The following KRT76 variants were observed in gnomAD, a reference collection of about 807,000 sequenced individuals.
KRT76 encodes keratin 76, also known as keratin, type II cytoskeletal 2 oral.
A neutral mutation model predicts 44.9 loss-of-function variants in KRT76; 47 were observed. The ratio of observed to expected loss-of-function variants is 1.05; its 90% CI spans 0.83 to 1.33. The LOEUF (loss-of-function observed/expected upper bound fraction) is 1.33. Among genes scored for constraint, KRT76 ranks in the 40% most tolerant of loss-of-function variants. The pLI is 0.00. For synonymous variants in KRT76, 331 were observed against 294.1 expected (o/e 1.13, Z -1.28); for missense variants, 860 against 775.8 (o/e 1.11, Z -1.29).
intron 3 of KRT76, 121 bp downstream of exon 3, chr12:52,773,461 A>G: frequency 3.2e-6 from 2 of 623,146 alleles, no homozygotes; most frequent in Non-Finnish European, 5.7e-6. Flanking sequence ...AATGTAAGGA[A>G]AAGTGTCAAT....
At position 52,771,761 on chromosome 12, in the gene KRT76, G is replaced by A. The variant is rs563012970; in HGVS notation, c.1263+110C>T. On this transcript the variant is annotated intron_variant, in intron 6 of 8. Transcript: ENST00000332411. ...TCCCAGACACTGCGCTATCCCACAT[G>A]TGACACCATGAAAGGATGGAGAGAG... 5.1e-6 allele frequency: 7 copies of A among 1,360,630 alleles called. No individual in the cohort carries two copies. The Admixed American group carries it at 1.3e-4, about 26-fold the overall frequency. The allele number at this position is 1,360,630 out of a possible 1,614,324, so 84.3% of individuals were successfully genotyped here. A position where few individuals can be genotyped will look rare whatever the true frequency, so the allele number is the denominator to read the frequency against.
rs111275941 is a variant in KRT76 at position 52,768,310 on chromosome 12, G to C, written c.*403C>G. ...AACCAGCAGTCTGGAGATCTTGGCCGTGCACCCTCCAGCACAGAACCCATG... is the reference window on the plus strand; with the variant it reads ...AACCAGCAGTCTGGAGATCTTGGCCCTGCACCCTCCAGCACAGAACCCATG... On this transcript the variant is annotated 3_prime_UTR_variant, in exon 9 of 9. Transcript: ENST00000332411. 2 of 166,188 alleles carry C rather than the reference G, an allele frequency of 1.2e-5. No individual in the cohort carries two copies. The highest frequency in any genetic ancestry group is 1.2e-4 in the Admixed American group (2 of 16,572). 10.3% of individuals were successfully genotyped at this position (166,188 alleles called of 1,614,324 possible).
chr12:52,771,018 G>A lies in KRT76; in HGVS notation c.1465C>T (p.Leu489=). The change falls in exon 7 of 9, where the codon CTG becomes TTG. Residue 489 remains leucine (L), a synonymous_variant. Coordinates refer to ENST00000332411, the MANE Select transcript of KRT76 (RefSeq NM_015848.4). ...CCTCACCTGCACTCCTCTCCCTCCA[G>A]CAGCTTGCGGTAGGTGGCAATCTCC... The part of the protein sequence containing the change: ...DVEIATYRKL[L]EGEECRMSGE... 1 of 1,614,070 alleles carries A rather than the reference G, an allele frequency of 6.2e-7. No homozygotes were observed. Among genetic ancestry groups the A allele is most frequent in the Non-Finnish European group, 8.5e-7 (1 of 1,180,014 alleles).
rs1454265642 is a variant in KRT76, at chr12:52,772,108, G to T, written c.1123C>A (p.Leu375Met). The T allele has an allele frequency of 2.5e-6, 4 of 1,611,140 alleles. No homozygotes were observed. Among genetic ancestry groups the T allele is most frequent in the Non-Finnish European group, 3.4e-6 (4 of 1,178,306 alleles). Residue 375 changes from leucine (L) to methionine (M), a missense_variant, in exon 5 of 9, where the codon CTG becomes ATG. By Grantham distance (15) the Leu-to-Met change is conservative. Transcript: ENST00000332411. ...AQRSKSEAEA[L>M]YQTKLGELQT... is the part of the protein sequence containing the mutation. ...AGGGTTCCCACCTTGGTCTGGTACAGGGCCTCAGCTTCAGACTTGCTCCTC... is the reference window on the plus strand; with the variant it reads ...AGGGTTCCCACCTTGGTCTGGTACATGGCCTCAGCTTCAGACTTGCTCCTC...
chr12:52,771,269 C>T, intron 6 of KRT76, 50 bp from the exon 7 acceptor site: 1 of 1,551,726 alleles, frequency 6.4e-7, no homozygotes, highest in Non-Finnish European at 8.9e-7. Context: ...AACACTTGAT[C>T]CTTACTAGGA....
chr12:52,768,552 G>T lies in KRT76; in HGVS notation c.*161C>A, dbSNP rs1939125698. On this transcript the variant is annotated 3_prime_UTR_variant, in exon 9 of 9. Transcript: ENST00000332411. ...AGCAGGACCTCCATGGCCCTGGGAA[G>T]GTCATGGGGATGGAGAAACCAGGAG... 2.5e-6 allele frequency: 2 copies of T among 792,544 alleles called. No homozygotes were observed. Among genetic ancestry groups the T allele is most frequent in the South Asian group, 1.8e-5 (1 of 54,450 alleles). The allele number at this position is 792,544 out of a possible 1,614,324, so 49.1% of individuals were successfully genotyped here.
chr12:52,770,857 C>T (rs1939168102), intron 7 of KRT76, 142 bp downstream of exon 7: 5 of 1,051,986 alleles, frequency 4.8e-6, no homozygotes, highest in South Asian at 1.5e-5. Context: ...AATAGTGGGG[C>T]TTGAACCCTT....
In KRT76 at chr12:52,777,201, T is replaced by A; in HGVS notation, c.91A>T (p.Ser31Cys). The A allele has an allele frequency of 6.2e-7, 1 of 1,614,164 alleles. No homozygotes were observed. The highest frequency in any genetic ancestry group is 8.5e-7 in the Non-Finnish European group (1 of 1,180,034). ...GCTCCCCCAGAGCGGGCCACACAGC[T>A]CATCCTGCTGCTGCCGGAGACCACA... ...SAVVSGSSRM[S>C]CVARSGGAGG... The change falls in exon 1 of 9, where the codon AGC becomes TGC. Residue 31 changes from serine to cysteine, a missense_variant. Transcript: ENST00000332411.
rs777946690 is a variant in KRT76, at chr12:52,777,156, A to G, written c.136T>C (p.Phe46Leu). The change falls in exon 1 of 9, where the codon TTC becomes CTC. Residue 46 changes from phenylalanine (F) to leucine (L), a missense_variant. By Grantham distance (22) the Phe-to-Leu change is conservative. Transcript: ENST00000332411. ...SGGAGGGACG[F>L]RSGAGSFGSR... ...CCAAAGCTGCCTGCTCCGCTCCTGA[A>G]GCCACAGGCCCCTCCACCAGCTCCC... 5 of 1,614,168 alleles carry G rather than the reference A, an allele frequency of 3.1e-6. No individual in the cohort carries two copies. The highest frequency in any genetic ancestry group is 4.2e-6 in the Non-Finnish European group (5 of 1,180,020).
At chr12:52,769,608 T>A in intron 7 of KRT76, 25 bp from the exon 8 acceptor site, 1 of 1,598,504 alleles carries the variant, frequency 6.3e-7, no homozygotes, top group Non-Finnish European at 8.6e-7. Flanking sequence ...GAGAGGTGAA[T>A]TCTTTCTGTT....
chr12:52,771,268 T>A (rs771384319), intron 6 of KRT76, 49 bp from the exon 7 acceptor site: 2 of 1,559,068 alleles, frequency 1.3e-6, no homozygotes, highest in Middle Eastern at 1.9e-4. Flanking sequence ...AAACACTTGA[T>A]CCTTACTAGG....
intron 3 of KRT76, 57 bp from the exon 4 acceptor site, chr12:52,772,935 G>A: frequency 7.9e-7 from 1 of 1,260,296 alleles, no homozygotes; most frequent in Non-Finnish European, 1.2e-6. Context: ...CCACCCAGTG[G>A]CTCTTTCCTA....
chr12:52,775,299 C>T (rs1939243224), intron 2 of KRT76, 89 bp downstream of exon 2: 2 of 1,137,906 alleles, frequency 1.8e-6, no homozygotes, highest in Non-Finnish European at 2.6e-6. Context: ...TGACTGAAGG[C>T]ACAGTTGGGA....
intron 7 of KRT76, 129 bp downstream of exon 7, chr12:52,770,870 C>A: frequency 8.3e-7 from 1 of 1,210,070 alleles, no homozygotes; most frequent in Non-Finnish European, 1.2e-6. Context: ...GAACCCTTGA[C>A]TCTGTCATTC....
At position 52,775,421 on chromosome 12, in the gene KRT76, C is replaced by A; in HGVS notation, c.782G>T (p.Ser261Ile). 1 of 1,614,228 alleles carries A rather than the reference C, an allele frequency of 6.2e-7. No homozygotes were observed. The highest frequency in any genetic ancestry group is 8.5e-7 in the Non-Finnish European group (1 of 1,180,038). The change falls in exon 2 of 9, where the codon AGC becomes ATC. Residue 261 changes from serine to isoleucine, a missense_variant. Ser to Ile is a moderately radical substitution (Grantham distance 142, BLOSUM62 -2). Coordinates refer to ENST00000332411, the MANE Select transcript of KRT76 (RefSeq NM_015848.4). ...GAAGTCTTCCACCAGGTCCTGCATG[C>A]TTTTCAGCTCTCCCTCCAGGTTCCC... ...ERGNLEGELK[S>I]MQDLVEDFKK...
At chr12:52,770,471 C>T (rs920693187) in intron 7 of KRT76, among the ~76,000 whole-genome samples, 1 of 152,198 alleles carries the variant, frequency 6.6e-6, no homozygotes, top group Non-Finnish European at 1.5e-5. Context: ...ATGTATCAAC[C>T]GTCTCCCCAT....
intron 6 of KRT76, 151 bp downstream of exon 6, chr12:52,771,720 C>T (rs907349178): frequency 3.4e-5 from 33 of 962,940 alleles, no homozygotes; most frequent in Non-Finnish European, 4.4e-5. Context: ...ACAAAAACAT[C>T]TGGGAGAACA....
rs764918336 is a variant in KRT76, at chr12:52,772,110, G to C, written c.1121C>G (p.Ala374Gly). Residue 374 changes from alanine (A) to glycine (G), a missense_variant, in exon 5 of 9, where the codon GCC becomes GGC. By Grantham distance (60) the Ala-to-Gly change is moderately conservative (BLOSUM62 0). Transcript: ENST00000332411. ...IAQRSKSEAE[A>G]LYQTKLGELQ... ...GGTTCCCACCTTGGTCTGGTACAGGGCCTCAGCTTCAGACTTGCTCCTCTG... is the reference window on the plus strand; with the variant it reads ...GGTTCCCACCTTGGTCTGGTACAGGCCCTCAGCTTCAGACTTGCTCCTCTG... 3.1e-6 allele frequency: 5 copies of C among 1,611,152 alleles called. No individual in the cohort carries two copies. The Admixed American group carries it at 8.3e-5, about 27-fold the overall frequency.
In KRT76 at chr12:52,777,155, A is replaced by G; in HGVS notation, c.137T>C (p.Phe46Ser). Residue 46 changes from phenylalanine (F) to serine (S), a missense_variant, in exon 1 of 9, where the codon TTC becomes TCC. By Grantham distance (155) the Phe-to-Ser change is radical. Transcript: ENST00000332411. ...SGGAGGGACG[F>S]RSGAGSFGSR... Reference sequence around the variant, plus strand: ...GCCAAAGCTGCCTGCTCCGCTCCTGAAGCCACAGGCCCCTCCACCAGCTCC... The same window carrying G: ...GCCAAAGCTGCCTGCTCCGCTCCTGGAGCCACAGGCCCCTCCACCAGCTCC... 2 of 1,614,182 alleles carry G rather than the reference A, an allele frequency of 1.2e-6. No homozygotes were observed. Among genetic ancestry groups the G allele is most frequent in the Non-Finnish European group, 1.7e-6 (2 of 1,180,022 alleles).
Sources: allele counts gnomAD v4.1 joint callset (sites outside exome capture counted in the v4.1 genomes callset), GRCh38; gene constraint gnomAD v4.1.1; transcripts MANE v1.5; gene names NCBI Gene and HGNC (gene_info 2026-07-23, HGNC 2026-07-21).